EPHB1: variants seen among roughly 807,000 people sequenced by gnomAD.
EPHB1 encodes EPH receptor B1, also known as ephrin type-B receptor 1.
In EPHB1, 30 loss-of-function variants were observed where a neutral mutation model predicts 94.4. That is an observed-to-expected ratio of 0.32 (90% CI 0.24 to 0.43). The LOEUF is 0.43. EPHB1 is among the 20% of genes least tolerant of loss of function. The pLI is 1.00. For synonymous variants in EPHB1, 522 were observed against 489.1 expected, an observed-to-expected ratio of 1.07 and a Z score of -0.89; for missense variants, 1,055 against 1,308.3, an observed-to-expected ratio of 0.81 and a Z score of 2.99.
At chr3:135,017,553 G>A (rs36058) in intron 3 of EPHB1, among the ~76,000 whole-genome samples, 51,469 of 152,002 alleles carry the variant, frequency 0.34, 9,408 homozygotes, top group Middle Eastern at 0.45. Context: ...CCTGCTTCCC[G>A]TAGCTCCCAC....
intron 3 of EPHB1, among the ~76,000 whole-genome samples, chr3:135,043,294 A>AATG (rs1936907059): frequency 6.6e-6 from 1 of 151,548 alleles, no homozygotes; most frequent in Non-Finnish European, 1.5e-5. Context: ...TAATAATAAT[A>AATG]ATGTGTGATA....
At chr3:134,948,474 T>C (rs962984364) in intron 2 of EPHB1, among the ~76,000 whole-genome samples, 1 of 147,840 alleles carries the variant, frequency 6.8e-6, no homozygotes, top group Non-Finnish European at 1.5e-5. Context: ...AAAAAAAAAA[T>C]AGGCAAGCAG....
intron 2 of EPHB1, among the ~76,000 whole-genome samples, chr3:134,950,927 A>G (rs1305741186): frequency 6.6e-6 from 1 of 152,216 alleles, no homozygotes; most frequent in Non-Finnish European, 1.5e-5. Context: ...TCACCACAAT[A>G]AAGAAATTAG....
intron 3 of EPHB1, among the ~76,000 whole-genome samples, chr3:135,078,618 G>T (rs147781896): frequency 6.6e-6 from 1 of 152,210 alleles, no homozygotes; most frequent in African/African-American, 2.4e-5. Flanking sequence ...ACAGAGAAAG[G>T]CATTGCCAGC....
At chr3:134,957,604 C>T (rs1181571752) in intron 3 of EPHB1, among the ~76,000 whole-genome samples, 1 of 152,122 alleles carries the variant, frequency 6.6e-6, no homozygotes, top group East Asian at 1.9e-4. Context: ...GCTGATAAAG[C>T]CCGAAAAGGG....
intron 8 of EPHB1, 120 bp downstream of exon 8, chr3:135,166,196 T>A (rs1447120312): frequency 2.8e-6 from 2 of 704,646 alleles, no homozygotes; most frequent in African/African-American, 3.5e-5. Context: ...CATCACTCCA[T>A]CTCAATCCAA....
At chr3:135,113,037 A>G (rs1005573728) in intron 4 of EPHB1, among the ~76,000 whole-genome samples, 3 of 152,184 alleles carry the variant, frequency 2.0e-5, no homozygotes, top group African/African-American at 7.2e-5. Context: ...GTTGCCCGTT[A>G]AAAAATACAT....
At chr3:135,100,302 C>T (rs189232357) in intron 3 of EPHB1, among the ~76,000 whole-genome samples, 20 of 152,242 alleles carry the variant, frequency 1.3e-4, no homozygotes, top group Non-Finnish European at 2.4e-4. Context: ...GCAGAGGTAA[C>T]ACGCACCCTC....
intron 3 of EPHB1, among the ~76,000 whole-genome samples, chr3:135,034,477 T>A (rs1936582891): frequency 6.6e-6 from 1 of 152,244 alleles, no homozygotes; most frequent in African/African-American, 2.4e-5. Context: ...GGCTCTTGAC[T>A]GTGCATCTGT....
chr3:134,883,685 C>G (rs762173960), intron 1 of EPHB1, among the ~76,000 whole-genome samples: 2 of 152,144 alleles, frequency 1.3e-5, no homozygotes, highest in Non-Finnish European at 2.9e-5. Context: ...AAGTACACTG[C>G]TTCATTCAGA....
chr3:134,907,569 G>T (rs1317419991), intron 1 of EPHB1, among the ~76,000 whole-genome samples: 1 of 152,158 alleles, frequency 6.6e-6, no homozygotes. Flanking sequence ...CAAGTGCTTT[G>T]CTGATTGCCA....
Position 134,795,363 on chromosome 3 carries a change from C to T in EPHB1, c.-269C>T. On this transcript the variant is annotated 5_prime_UTR_variant, in exon 1 of 16. Transcript: ENST00000398015. Reference sequence around the variant, plus strand: ...TCTCCCAGGCTCGTTCTCCCTCGCCCTCTCTCTCTCACACACGCACGCACA... The same window carrying T: ...TCTCCCAGGCTCGTTCTCCCTCGCCTTCTCTCTCTCACACACGCACGCACA... 2.1e-6 allele frequency: 1 copy of T among 480,992 alleles called. No individual in the cohort carries two copies. The highest frequency in any genetic ancestry group is 3.6e-6 in the Non-Finnish European group (1 of 273,976). The allele number at this position is 480,992 out of a possible 1,614,324, so 29.8% of individuals were successfully genotyped here.
intron 1 of EPHB1, among the ~76,000 whole-genome samples, chr3:134,908,037 T>C (rs746406765): frequency 1.2e-4 from 18 of 152,342 alleles, no homozygotes; most frequent in Admixed American, 3.9e-4. Context: ...TAGGGTCTCA[T>C]TTCCATCTTC....
rs1471845539 is a variant in EPHB1, at chr3:135,154,137, T to C, written c.1298-15T>C. The C allele has an allele frequency of 2.5e-6, 4 of 1,613,754 alleles. No individual in the cohort carries two copies. The highest frequency in any genetic ancestry group is 1.1e-5 in the South Asian group (1 of 91,070). On this transcript the variant is annotated splice_polypyrimidine_tract_variant and intron_variant, in intron 5 of 15. Coordinates refer to ENST00000398015, the MANE Select transcript of EPHB1 (RefSeq NM_004441.5). ...AGTGTCTGTTCAGCTACCCTGTTTC[T>C]TTCTCTCTCCACAGCCCCCTCCACC...
chr3:135,050,215 A>G (rs994615777), intron 3 of EPHB1, among the ~76,000 whole-genome samples: 5 of 152,168 alleles, frequency 3.3e-5, no homozygotes, highest in Non-Finnish European at 5.9e-5. Flanking sequence ...TAGATTACAC[A>G]TGATTTTGCT....
chr3:134,831,284 A>G (rs1004806806), intron 1 of EPHB1, among the ~76,000 whole-genome samples: 2 of 152,200 alleles, frequency 1.3e-5, no homozygotes, highest in African/African-American at 2.4e-5. Context: ...GGCCCACAGC[A>G]TTACAGATTC....
At chr3:134,830,784 T>A (rs996097548) in intron 1 of EPHB1, among the ~76,000 whole-genome samples, 5 of 152,202 alleles carry the variant, frequency 3.3e-5, no homozygotes, top group Non-Finnish European at 4.4e-5. Flanking sequence ...AACCTTGCCC[T>A]CCCAGCTAGT....
chr3:134,938,335 TC>T, intron 2 of EPHB1, among the ~76,000 whole-genome samples: 1 of 152,152 alleles, frequency 6.6e-6, no homozygotes, highest in East Asian at 1.9e-4. Context: ...TGCAGTATTT[TC>T]CCTAACATGC....
intron 5 of EPHB1, among the ~76,000 whole-genome samples, chr3:135,142,437 GA>G: frequency 6.6e-6 from 1 of 152,164 alleles, no homozygotes; most frequent in Non-Finnish European, 1.5e-5. Flanking sequence ...CATATGCTCT[GA>G]AAAGATAAAG....
Sources: allele counts gnomAD v4.1 joint callset (sites outside exome capture counted in the v4.1 genomes callset), GRCh38; gene constraint gnomAD v4.1.1; transcripts MANE v1.5; gene names NCBI Gene and HGNC (gene_info 2026-07-23, HGNC 2026-07-21).